Variants in ESR2 observed in about 807,000 individuals in gnomAD.
ESR2 encodes estrogen receptor 2.
ESR2 carries 36 observed loss-of-function variants against 49.6 expected under a neutral mutation model. The ratio of observed to expected loss-of-function variants is 0.73; its 90% confidence interval spans 0.56 to 0.96. The LOEUF is 0.96. Among genes scored for constraint, ESR2 ranks in the 40% least tolerant of loss-of-function variants. The pLI is 0.00. For missense variants in ESR2, 714 were observed against 693.0 expected (o/e 1.03, Z -0.34); for synonymous variants, 320 against 266.1 (o/e 1.20, Z -1.97).
chr14:64,308,019 T>C (rs1441949655), intron 1 of ESR2, among the ~76,000 whole-genome samples: 1 of 152,090 alleles, frequency 6.6e-6, no homozygotes, highest in African/African-American at 2.4e-5. Flanking sequence ...TTTGTTGTTT[T>C]TGTTGTTGTT....
chr14:64,233,075 C>T lies in ESR2; in HGVS notation c.*62G>A, dbSNP rs2098728784. 3 of 1,568,336 alleles carry T rather than the reference C, an allele frequency of 1.9e-6. No individual in the cohort carries two copies. Among genetic ancestry groups the T allele is most frequent in the South Asian group, 1.2e-5 (1 of 85,414 alleles). On this transcript the variant is annotated 3_prime_UTR_variant, in exon 9 of 9. Coordinates refer to ENST00000341099, the MANE Select transcript of ESR2 (RefSeq NM_001437.3). ...AGAAAGATGAAGCCCAGGCTCCTGACACACTGGAGTTCACGCTTCAGCCTG... is the reference window on the plus strand; with the variant it reads ...AGAAAGATGAAGCCCAGGCTCCTGATACACTGGAGTTCACGCTTCAGCCTG...
intron 1 of ESR2, among the ~76,000 whole-genome samples, chr14:64,315,985 TA>T (rs1185939832): frequency 6.6e-6 from 1 of 151,788 alleles, no homozygotes; most frequent in East Asian, 1.9e-4. Flanking sequence ...CCTTAACTAT[TA>T]AAGAGATTGA....
intron 1 of ESR2, among the ~76,000 whole-genome samples, chr14:64,285,776 G>A (rs1414052786): frequency 6.8e-6 from 1 of 146,044 alleles, no homozygotes; most frequent in Non-Finnish European, 1.5e-5. Flanking sequence ...GCATTAAGCT[G>A]AGATCGTGCC....
At chr14:64,322,832 G>T (rs1236103169) in intron 1 of ESR2, among the ~76,000 whole-genome samples, 1 of 152,118 alleles carries the variant, frequency 6.6e-6, no homozygotes, top group African/African-American at 2.4e-5. Flanking sequence ...TAAGTTGAAA[G>T]ATACTTATTT....
At chr14:64,321,858 T>C (rs368236083) in intron 1 of ESR2, among the ~76,000 whole-genome samples, 13 of 152,050 alleles carry the variant, frequency 8.5e-5, no homozygotes, top group South Asian at 6.2e-4. Context: ...GAGCTAAACA[T>C]TGAATACACA....
intron 1 of ESR2, among the ~76,000 whole-genome samples, chr14:64,290,844 A>G (rs1026501263): frequency 2.6e-5 from 4 of 152,252 alleles, no homozygotes; most frequent in African/African-American, 9.6e-5. Flanking sequence ...GTACATAAGG[A>G]AACCCTGTTT....
chr14:64,252,880 G>T (rs1026005015), intron 6 of ESR2, among the ~76,000 whole-genome samples: 1 of 151,468 alleles, frequency 6.6e-6, no homozygotes, highest in African/African-American at 2.4e-5. Flanking sequence ...TTTTGAGACA[G>T]GGTCTCACCC....
chr14:64,271,645 A>G (rs2076448640), intron 3 of ESR2, among the ~76,000 whole-genome samples: 1 of 152,202 alleles, frequency 6.6e-6, no homozygotes, highest in Non-Finnish European at 1.5e-5. Flanking sequence ...GCTCCCACAA[A>G]TAAGTGAGAA....
At chr14:64,233,666 C>T (rs554754705) in intron 8 of ESR2, 237 of 249,928 alleles carry the variant, frequency 9.5e-4, no homozygotes, top group Admixed American at 2.7e-3. Context: ...TCCTGCAAGC[C>T]TCTGGCCACA....
At chr14:64,288,529 T>C in intron 1 of ESR2, among the ~76,000 whole-genome samples, 1 of 151,796 alleles carries the variant, frequency 6.6e-6, no homozygotes, top group Non-Finnish European at 1.5e-5. Context: ...TTCTATTTTT[T>C]AGTAGAGACG....
chr14:64,265,734 T>C (rs920200115), intron 4 of ESR2, among the ~76,000 whole-genome samples: 1 of 152,232 alleles, frequency 6.6e-6, no homozygotes, highest in African/African-American at 2.4e-5. Context: ...GGTGTTGTCC[T>C]ACCATTATAT....
At chr14:64,238,357 A>G (rs927686366) in intron 7 of ESR2, among the ~76,000 whole-genome samples, 2 of 152,098 alleles carry the variant, frequency 1.3e-5, no homozygotes, top group Admixed American at 1.3e-4. Context: ...ATGGTGGGGT[A>G]GGGGGGCAGT....
At chr14:64,321,436 T>C (rs976347922) in intron 1 of ESR2, among the ~76,000 whole-genome samples, 4 of 152,182 alleles carry the variant, frequency 2.6e-5, no homozygotes, top group African/African-American at 9.7e-5. Context: ...GTGAATTTTA[T>C]GGCATGTAAA....
chr14:64,250,509 C>T (rs1291784632), intron 6 of ESR2, among the ~76,000 whole-genome samples: 1 of 152,162 alleles, frequency 6.6e-6, no homozygotes, highest in Non-Finnish European at 1.5e-5. Flanking sequence ...CCTCACTGCT[C>T]CCCCAAAACA....
chr14:64,249,829 A>G (rs924857846), intron 6 of ESR2, 150 bp from the exon 7 acceptor site: 7 of 691,894 alleles, frequency 1.0e-5, no homozygotes, highest in African/African-American at 1.8e-5. Flanking sequence ...TGTTAATGAG[A>G]CCACACCCAG....
At chr14:64,303,225 G>T (rs1261477738) in intron 1 of ESR2, among the ~76,000 whole-genome samples, 4 of 152,222 alleles carry the variant, frequency 2.6e-5, no homozygotes, top group African/African-American at 9.6e-5. Flanking sequence ...GAGCTCACAG[G>T]TGCTCAGGTC....
At position 64,263,651 on chromosome 14, in the gene ESR2, AAAATAAAT is replaced by A. The variant is rs557236670; in HGVS notation, c.653-2911_653-2904del. 1.1e-4 allele frequency among the ~76,000 whole-genome samples: 16 copies of A among 152,260 alleles called. No homozygotes were observed. The South Asian group carries it at 1.9e-3, about 18-fold the overall frequency. ...GTGACAGAGCAAGACTTGGGTTGAA[AAAATAAAT>A]AAATAAATAAATAAATAGACAAACA... On this transcript the variant is annotated intron_variant, in intron 4 of 8. Transcript: ENST00000341099.
At chr14:64,277,025 G>A (rs2076569955) in intron 3 of ESR2, among the ~76,000 whole-genome samples, 1 of 152,106 alleles carries the variant, frequency 6.6e-6, no homozygotes, top group Non-Finnish European at 1.5e-5. Flanking sequence ...ACACCAATAG[G>A]AAAGAGAACA....
intron 7 of ESR2, among the ~76,000 whole-genome samples, chr14:64,239,212 C>G (rs558710669): frequency 6.6e-6 from 1 of 152,272 alleles, no homozygotes; most frequent in Admixed American, 6.5e-5. Flanking sequence ...TGGTGTGAGG[C>G]TGCAGGCTGC....
Sources: gnomAD v4.1 joint callset for allele counts (sites outside exome capture counted in the v4.1 genomes callset) on GRCh38, gnomAD v4.1.1 for gene constraint, MANE v1.5 for transcripts, NCBI Gene and HGNC (gene_info 2026-07-23, HGNC 2026-07-21) for gene names.